The following LYPLA1 variants were observed in gnomAD, a reference collection of about 807,000 sequenced individuals.
LYPLA1 encodes the protein acyl-protein thioesterase 1.
In LYPLA1, 17 loss-of-function variants were observed where a neutral mutation model predicts 34.0. The observed-to-expected ratio is 0.50, with a 90% CI of 0.34 to 0.75. The LOEUF (loss-of-function observed/expected upper bound fraction) is 0.75. Among genes scored for constraint, LYPLA1 ranks in the 30% least tolerant of loss-of-function variants. The pLI is 0.01. For missense variants in LYPLA1, 203 were observed against 288.8 expected (o/e 0.70, Z 2.15); for synonymous variants, 98 against 100.8 (o/e 0.97, Z 0.17).
At chr8:54,057,733 C>T (rs1806314610) in intron 5 of LYPLA1, among the ~76,000 whole-genome samples, 1 of 152,118 alleles carries the variant, frequency 6.6e-6, no homozygotes, top group East Asian at 1.9e-4. Flanking sequence ...TAAGACCTAC[C>T]ATTTGACAGT....
chr8:54,093,025 CAACT>C (rs1436098986), intron 2 of LYPLA1, among the ~76,000 whole-genome samples: 5 of 152,088 alleles, frequency 3.3e-5, no homozygotes, highest in Non-Finnish European at 5.9e-5. Flanking sequence ...TCAGTCTTAC[CAACT>C]AACTAGACAA....
At chr8:54,062,431 T>C (rs1044834889) in intron 4 of LYPLA1, 107 bp from the exon 5 acceptor site, 1 of 411,420 alleles carries the variant, frequency 2.4e-6, no homozygotes, top group Non-Finnish European at 4.1e-6. Context: ...ACCAGAAATA[T>C]GTTTTATTTT....
intron 2 of LYPLA1, among the ~76,000 whole-genome samples, chr8:54,095,780 T>A (rs1284181547): frequency 6.8e-6 from 1 of 147,230 alleles, no homozygotes; most frequent in Admixed American, 6.9e-5. Context: ...AGACACAGGG[T>A]CTGGCTGTTG....
rs1230606850 is a variant in LYPLA1 at position 54,100,925 on chromosome 8, A to G, written c.84T>C (p.His28=). The G allele has an allele frequency of 1.9e-5, 31 of 1,609,828 alleles. No individual in the cohort carries two copies. Among genetic ancestry groups the G allele is most frequent in the Non-Finnish European group, 2.6e-5 (31 of 1,176,136 alleles). Residue 28 remains histidine (H), a synonymous_variant, in exon 2 of 9, where the codon CAT becomes CAC. Coordinates refer to ENST00000316963, the MANE Select transcript of LYPLA1 (RefSeq NM_006330.4). ...GTACCTACCCAGTATCTCCCAATCCATGCAGGAAAATCACCTATAAGAGAA... is the reference window on the plus strand; with the variant it reads ...GTACCTACCCAGTATCTCCCAATCCGTGCAGGAAAATCACCTATAAGAGAA... The part of the protein sequence containing the change: ...RKATAAVIFL[H]GLGDTGHGWA...
intron 2 of LYPLA1, among the ~76,000 whole-genome samples, chr8:54,082,019 C>T (rs769427277): frequency 2.0e-5 from 3 of 152,094 alleles, no homozygotes; most frequent in Non-Finnish European, 4.4e-5. Context: ...CATGAGCCAC[C>T]GCATCTGAGG....
At chr8:54,086,438 T>TAAAAAAAAA (rs768755796) in intron 2 of LYPLA1, among the ~76,000 whole-genome samples, 54 of 34,634 alleles carry the variant, frequency 1.6e-3, no homozygotes, top group Non-Finnish European at 2.3e-3. Context: ...CTAAAAAAAT[T>TAAAAAAAAA]AAAAAAAAAA....
rs911443379 is a variant in LYPLA1, at chr8:54,073,328, A to G, written c.102-7515T>C. 9 of 859,060 alleles carry G rather than the reference A, an allele frequency of 1.0e-5. No individual in the cohort carries two copies. In the African/African-American group the frequency reaches 1.2e-4, roughly 11 times the overall value. 53.2% of individuals were successfully genotyped at this position (859,060 alleles called of 1,614,324 possible). The stretch of plus-strand genomic sequence containing the variant: ...TCCTTCTATGGACGGAACTGTGAGC[A>G]TGATGTGTGCAAAGAGAACTGTGGG... On this transcript the variant is annotated intron_variant, in intron 2 of 8. Coordinates refer to ENST00000316963, the MANE Select transcript of LYPLA1 (RefSeq NM_006330.4).
chr8:54,085,803 G>A lies in LYPLA1; in HGVS notation c.101+15105C>T, dbSNP rs1197937157. ...CACCCCGGCCAGCCGCCCCGTCCGC[G>A]AGGTGGGGGGGGGGCAGCCCCCGGC... On this transcript the variant is annotated intron_variant, in intron 2 of 8. Transcript: ENST00000316963. Among the ~76,000 whole-genome samples the A allele has an allele frequency of 1.3e-4, 14 of 108,832 alleles. No homozygotes were observed. The South Asian group carries it at 2.6e-3, about 20-fold the overall frequency. The allele number at this position is 108,832 out of a possible 152,430, so 71.4% of individuals were successfully genotyped here.
chr8:54,101,412 G>A, intron 1 of LYPLA1: 4 of 1,063,672 alleles, frequency 3.8e-6, no homozygotes, highest in East Asian at 1.4e-4. Context: ...GTGACAATAA[G>A]GCGATTTCCT....
intron 2 of LYPLA1, among the ~76,000 whole-genome samples, chr8:54,083,371 C>T (rs1056104624): frequency 2.0e-5 from 3 of 152,134 alleles, no homozygotes; most frequent in Non-Finnish European, 2.9e-5. Context: ...CTAAAAATAA[C>T]AATGAAAAGC....
intron 2 of LYPLA1, among the ~76,000 whole-genome samples, chr8:54,077,782 C>A (rs1048350290): frequency 6.6e-6 from 1 of 151,994 alleles, no homozygotes; most frequent in Admixed American, 6.6e-5. Context: ...CGGTCTAGAA[C>A]GGGCAAAAGT....
intron 4 of LYPLA1, among the ~76,000 whole-genome samples, chr8:54,062,626 G>A (rs1336284749): frequency 6.6e-6 from 1 of 151,894 alleles, no homozygotes; most frequent in Non-Finnish European, 1.5e-5. Context: ...ATTCTCCTGT[G>A]TCAGCCTCCT....
At position 54,046,492 on chromosome 8, in the gene LYPLA1, ATT is replaced by A. The variant is rs1805496767; in HGVS notation, c.*1571_*1572del. The A allele has an allele frequency of 6.6e-6, 1 of 152,618 alleles. No individual in the cohort carries two copies. Among genetic ancestry groups the A allele is most frequent in the Non-Finnish European group, 1.5e-5 (1 of 68,016 alleles). 9.5% of individuals were successfully genotyped at this position (152,618 alleles called of 1,614,324 possible). On this transcript the variant is annotated 3_prime_UTR_variant, in exon 9 of 9. Coordinates refer to ENST00000316963, the MANE Select transcript of LYPLA1 (RefSeq NM_006330.4). ...TCTTGCCATAAATAATATCTTGCTG[ATT>A]TGTAGAAGTGAAATAACAGTTTATG...
intron 5 of LYPLA1, among the ~76,000 whole-genome samples, chr8:54,061,184 G>A (rs1232656030): frequency 1.2e-4 from 19 of 152,014 alleles, no homozygotes; most frequent in Admixed American, 9.8e-4. Flanking sequence ...GGGTTCAAGC[G>A]ATTCTCCTGC....
chr8:54,058,093 T>C (rs1324388613), intron 5 of LYPLA1, among the ~76,000 whole-genome samples: 1 of 152,252 alleles, frequency 6.6e-6, no homozygotes, highest in Non-Finnish European at 1.5e-5. Context: ...CATGTTTCTC[T>C]CTTCAATGAA....
chr8:54,084,136 A>T (rs1235459905), intron 2 of LYPLA1, among the ~76,000 whole-genome samples: 1 of 127,008 alleles, frequency 7.9e-6, no homozygotes, highest in African/African-American at 3.6e-5. Flanking sequence ...AAAAAAAAAT[A>T]AATAAATATA....
chr8:54,082,389 C>A (rs185362340), intron 2 of LYPLA1, among the ~76,000 whole-genome samples: 1 of 150,978 alleles, frequency 6.6e-6, no homozygotes, highest in Non-Finnish European at 1.5e-5. Context: ...TGGACTGGTG[C>A]GATCAAGAAC....
intron 5 of LYPLA1, among the ~76,000 whole-genome samples, chr8:54,057,654 AG>A (rs1806306217): frequency 6.6e-6 from 1 of 152,218 alleles, no homozygotes; most frequent in South Asian, 2.1e-4. Context: ...TATGGTTATC[AG>A]AGGCTGGAAG....
chr8:54,094,835 T>C (rs1049943793), intron 2 of LYPLA1, among the ~76,000 whole-genome samples: 1 of 152,218 alleles, frequency 6.6e-6, no homozygotes, highest in Admixed American at 6.5e-5. Context: ...AAAGGGTTAC[T>C]GTGGCCAACT....
Sources: allele counts gnomAD v4.1 joint callset (sites outside exome capture counted in the v4.1 genomes callset), GRCh38; gene constraint gnomAD v4.1.1; transcripts MANE v1.5; gene names NCBI Gene and HGNC (gene_info 2026-07-23, HGNC 2026-07-21).